Variants in ARL5A observed in about 807,000 individuals in gnomAD.
ARL5A encodes ARF like GTPase 5A.
ARL5A carries 18 observed loss-of-function variants against 25.9 expected under a neutral mutation model. The ratio of observed to expected loss-of-function variants is 0.69; its 90% CI spans 0.48 to 1.03. ARL5A has a LOEUF of 1.03. Ranked by LOEUF, ARL5A falls within the 50% of genes least tolerant of loss-of-function variation. The probability of loss-of-function intolerance (pLI) is 0.00; values close to 1 mark genes in which losing one functional copy is unlikely to be tolerated. For missense variants in ARL5A, 170 were observed against 211.9 expected, an observed-to-expected ratio of 0.80 and a Z score of 1.23; for synonymous variants, 61 against 67.5, an observed-to-expected ratio of 0.90 and a Z score of 0.47.
Position 151,807,018 on chromosome 2 carries a change from A to G in ARL5A, c.340-46T>C, listed in dbSNP as rs1223842274. 4 of 1,504,104 alleles carry G rather than the reference A, an allele frequency of 2.7e-6. No homozygotes were observed. The Admixed American group carries it at 9.2e-5, about 35-fold the overall frequency. 93.2% of individuals were successfully genotyped at this position (1,504,104 alleles called of 1,614,324 possible). ...GTAAAGGCCAATACATTTTCCACAT[A>G]TTTTTCAACTTCATTAACAGAATCT... is the stretch of plus-strand genomic sequence containing the variant. On this transcript the variant is annotated intron_variant, in intron 4 of 5. Transcript: ENST00000295087.
Position 151,799,707 on chromosome 2 carries a change from T to G in ARL5A, c.*3569A>C, listed in dbSNP as rs543433378. ...AGCTGGTCTTCTGATGGACTCCACATCTCTGATAATGCTCTCTAATGAGCA... is the reference window on the plus strand; with the variant it reads ...AGCTGGTCTTCTGATGGACTCCACAGCTCTGATAATGCTCTCTAATGAGCA... On this transcript the variant is annotated 3_prime_UTR_variant, in exon 6 of 6. Coordinates refer to ENST00000295087, the MANE Select transcript of ARL5A (RefSeq NM_012097.4). 4 of 152,330 alleles carry G rather than the reference T, an allele frequency of 2.6e-5. No homozygotes were observed. The highest frequency in any genetic ancestry group is 2.0e-4 in the Admixed American group (3 of 15,308). The allele number at this position is 152,330 out of a possible 1,614,324, so 9.4% of individuals were successfully genotyped here.
At chr2:151,822,473 T>C (rs1435981208) in intron 1 of ARL5A, among the ~76,000 whole-genome samples, 1 of 152,212 alleles carries the variant, frequency 6.6e-6, no homozygotes, top group African/African-American at 2.4e-5. Context: ...AGTAGATCAA[T>C]TTCCTCTGAA....
At position 151,821,788 on chromosome 2, in the gene ARL5A, TC is replaced by T. The variant is rs145555671; in HGVS notation, c.46+6342del. Among the ~76,000 whole-genome samples the T allele has an allele frequency of 1.4e-3, 131 of 94,480 alleles. 1 individual carries two copies. The highest frequency in any genetic ancestry group is 2.1e-3 in the African/African-American group (47 of 22,044). The allele number at this position is 94,480 out of a possible 152,430, so 62.0% of individuals were successfully genotyped here. ...ATGCCCGGCTTTCTTTTTTTTTTTTTCTTTTTTTTTTTTTTTTTTGAGACGG... is the reference window on the plus strand; with the variant it reads ...ATGCCCGGCTTTCTTTTTTTTTTTTTTTTTTTTTTTTTTTTTTTGAGACGG... On this transcript the variant is annotated intron_variant, in intron 1 of 5. Transcript: ENST00000295087.
chr2:151,828,198 C>CG lies in ARL5A; in HGVS notation c.-23_-22insC, dbSNP rs576668357. 560 of 1,600,544 alleles carry CG rather than the reference C, an allele frequency of 3.5e-4. 1 individual carries two copies. The highest frequency in any genetic ancestry group is 8.3e-4 in the Middle Eastern group (5 of 6,018). Reference sequence around the variant, plus strand: ...CCATTCTCGGGCAGCGGACCCCCCCCCTCCAGACACCCGGGCCGCCTGGCT... The same window carrying CG: ...CCATTCTCGGGCAGCGGACCCCCCCCGCTCCAGACACCCGGGCCGCCTGGCT... On this transcript the variant is annotated 5_prime_UTR_variant, in exon 1 of 6. Transcript: ENST00000295087.
At position 151,827,738 on chromosome 2, in the gene ARL5A, A is replaced by G. The variant is rs2151299132; in HGVS notation, c.46+393T>C. On this transcript the variant is annotated intron_variant, in intron 1 of 5. Transcript: ENST00000295087. The stretch of plus-strand genomic sequence containing the variant: ...GTTAGGGCAGCAATCTATAACCTTC[A>G]TTCCAGAAGACCCCAGCACTTCTAT... 1.4e-5 allele frequency: 3 copies of G among 207,982 alleles called. No homozygotes were observed. The South Asian group carries it at 2.0e-4, about 14-fold the overall frequency. The allele number at this position is 207,982 out of a possible 1,614,324, so 12.9% of individuals were successfully genotyped here.
Position 151,800,762 on chromosome 2 carries a change from T to G in ARL5A, c.*2514A>C, listed in dbSNP as rs565466130. 1 of 152,410 alleles carries G rather than the reference T, an allele frequency of 6.6e-6. No individual in the cohort carries two copies. Among genetic ancestry groups the G allele is most frequent in the Admixed American group, 6.5e-5 (1 of 15,280 alleles). 9.4% of individuals were successfully genotyped at this position (152,410 alleles called of 1,614,324 possible). A position where few individuals can be genotyped will look rare whatever the true frequency, so the allele number is the denominator to read the frequency against. On this transcript the variant is annotated 3_prime_UTR_variant, in exon 6 of 6. Transcript: ENST00000295087. ...AAATGCTTATAGCATATGGTTACTT[T>G]TGCCCAGATATCAAAAGAAGTTACA...
chr2:151,802,429 A>AT lies in ARL5A; in HGVS notation c.*846dup, dbSNP rs2099829549. The stretch of plus-strand genomic sequence containing the variant: ...TAATTTATTCAGTAATTTAGATGCC[A>AT]TAAGAACCACTGAAAGGAATAATCT... On this transcript the variant is annotated 3_prime_UTR_variant, in exon 6 of 6. Transcript: ENST00000295087. 1.3e-5 allele frequency: 2 copies of AT among 152,106 alleles called. No individual in the cohort carries two copies. Among genetic ancestry groups the AT allele is most frequent in the Non-Finnish European group, 2.9e-5 (2 of 67,954 alleles). 9.4% of individuals were successfully genotyped at this position (152,106 alleles called of 1,614,324 possible). A position where few individuals can be genotyped will look rare whatever the true frequency, so the allele number is the denominator to read the frequency against.
chr2:151,821,256 G>T (rs1467257445), intron 1 of ARL5A, among the ~76,000 whole-genome samples: 1 of 152,100 alleles, frequency 6.6e-6, no homozygotes, highest in African/African-American at 2.4e-5. Context: ...ATGCAACCAT[G>T]CCCCCAAACT....
chr2:151,803,829 C>T (rs1353840310), intron 5 of ARL5A, among the ~76,000 whole-genome samples: 2 of 152,088 alleles, frequency 1.3e-5, no homozygotes, highest in African/African-American at 4.8e-5. Flanking sequence ...TTTAAAATAT[C>T]AATACTCTGC....
At chr2:151,820,444 G>A (rs2099832118) in intron 1 of ARL5A, among the ~76,000 whole-genome samples, 2 of 152,106 alleles carry the variant, frequency 1.3e-5, no homozygotes, top group East Asian at 3.9e-4. Flanking sequence ...TGGATCACTT[G>A]AGGTCAGGAG....
At chr2:151,822,393 CTG>C (rs1488335777) in intron 1 of ARL5A, among the ~76,000 whole-genome samples, 1 of 152,192 alleles carries the variant, frequency 6.6e-6, no homozygotes, top group African/African-American at 2.4e-5. Flanking sequence ...TAAGACCAAA[CTG>C]TGCAATGGGC....
chr2:151,825,690 T>G (rs1359928061), intron 1 of ARL5A, among the ~76,000 whole-genome samples: 1 of 152,164 alleles, frequency 6.6e-6, no homozygotes, highest in Non-Finnish European at 1.5e-5. Context: ...TTTCATCAGA[T>G]GGCAAATTCT....
intron 4 of ARL5A, 44 bp downstream of exon 4, chr2:151,812,313 C>G: frequency 7.4e-7 from 1 of 1,352,942 alleles, no homozygotes; most frequent in Non-Finnish European, 1.0e-6. Context: ...GTATCGATTC[C>G]CATACCCTTC....
intron 1 of ARL5A, among the ~76,000 whole-genome samples, chr2:151,827,058 T>C (rs781666673): frequency 1.4e-4 from 22 of 152,146 alleles, no homozygotes; most frequent in Admixed American, 8.5e-4. Context: ...GTGTACATAA[T>C]AGATGCCACC....
At chr2:151,806,380 C>T (rs1466045845) in intron 5 of ARL5A, among the ~76,000 whole-genome samples, 1 of 152,124 alleles carries the variant, frequency 6.6e-6, no homozygotes, top group Non-Finnish European at 1.5e-5. Flanking sequence ...TTGATTTGAG[C>T]TTCTTTATGC....
At chr2:151,814,514 A>G (rs2099831249) in intron 2 of ARL5A, among the ~76,000 whole-genome samples, 198 bp from the exon 3 acceptor site, 1 of 152,106 alleles carries the variant, frequency 6.6e-6, no homozygotes, top group Admixed American at 6.6e-5. Flanking sequence ...ATACTAGGTC[A>G]TTCCAGGAAA....
chr2:151,818,818 G>C (rs1182236863), intron 1 of ARL5A, among the ~76,000 whole-genome samples: 3 of 152,106 alleles, frequency 2.0e-5, no homozygotes, highest in African/African-American at 4.8e-5. Flanking sequence ...GCTATACTCT[G>C]ATCTCTGACT....
At chr2:151,805,047 T>G (rs2099829908) in intron 5 of ARL5A, among the ~76,000 whole-genome samples, 1 of 152,156 alleles carries the variant, frequency 6.6e-6, no homozygotes, top group Non-Finnish European at 1.5e-5. Flanking sequence ...GTATATAAAT[T>G]AAATCTTATG....
At position 151,803,081 on chromosome 2, in the gene ARL5A, A is replaced by T; in HGVS notation, c.*195T>A. The T allele has an allele frequency of 1.9e-6, 1 of 531,652 alleles. No individual in the cohort carries two copies. Among genetic ancestry groups the T allele is most frequent in the Non-Finnish European group, 3.4e-6 (1 of 296,474 alleles). The allele number at this position is 531,652 out of a possible 1,614,324, so 32.9% of individuals were successfully genotyped here. On this transcript the variant is annotated 3_prime_UTR_variant, in exon 6 of 6. Coordinates refer to ENST00000295087, the MANE Select transcript of ARL5A (RefSeq NM_012097.4). ...TCACAGCTTCAATAACTTACTTTGG[A>T]AAAAACTAATGAGAAAGCAAACTGG...
Sources: gnomAD v4.1 joint callset for allele counts (sites outside exome capture counted in the v4.1 genomes callset) on GRCh38, gnomAD v4.1.1 for gene constraint, MANE v1.5 for transcripts, NCBI Gene and HGNC (gene_info 2026-07-23, HGNC 2026-07-21) for gene names.